The following PCDH15 variants were observed in gnomAD, a reference collection of about 807,000 sequenced individuals.
PCDH15 encodes protocadherin-15.
In PCDH15, 129 loss-of-function variants were observed where a neutral mutation model predicts 178.5. That is an observed-to-expected ratio of 0.72 (90% CI 0.63 to 0.84). The LOEUF is 0.84. Among genes scored for constraint, PCDH15 ranks in the 40% least tolerant of loss-of-function variants. The pLI is 0.00. For synonymous variants in PCDH15, 800 were observed against 732.0 expected (o/e 1.09, Z -1.50); for missense variants, 2,230 against 2,099.9 (o/e 1.06, Z -1.21).
chr10:53,807,805 C>G (rs943293500), intron 37 of PCDH15, among the ~76,000 whole-genome samples: 1 of 152,104 alleles, frequency 6.6e-6, no homozygotes, highest in Admixed American at 6.6e-5. Flanking sequence ...ATACACAAAA[C>G]TGAAAGCTAA....
chr10:55,494,167 C>A (rs947098457), intron 2 of PCDH15, among the ~76,000 whole-genome samples: 2 of 151,736 alleles, frequency 1.3e-5, no homozygotes, highest in African/African-American at 4.8e-5. Context: ...TCTTCATTTT[C>A]TTGTCAATCT....
At chr10:55,381,058 T>C (rs544111288) in intron 2 of PCDH15, among the ~76,000 whole-genome samples, 2 of 152,306 alleles carry the variant, frequency 1.3e-5, no homozygotes, top group East Asian at 3.9e-4. Flanking sequence ...GTTGAGAGGC[T>C]GAGCAATGAG....
At chr10:54,329,544 T>C in intron 7 of PCDH15, 52 bp downstream of exon 7, 1 of 1,380,178 alleles carries the variant, frequency 7.2e-7, no homozygotes, top group South Asian at 1.2e-5. Context: ...TTTGGATGAG[T>C]TTTTTACTTC....
chr10:54,784,312 TAAAAAG>T (rs894584613), intron 1 of PCDH15, among the ~76,000 whole-genome samples: 43 of 131,558 alleles, frequency 3.3e-4, no homozygotes, highest in Admixed American at 5.9e-4. Context: ...AAAAAATAAA[TAAAAAG>T]ATCTTAGAAT....
At chr10:54,020,437 GT>G in intron 19 of PCDH15, 21 bp from the exon 20 acceptor site, 1 of 1,606,314 alleles carries the variant, frequency 6.2e-7, no homozygotes, top group Non-Finnish European at 8.5e-7. Context: ...CAGAAGAATA[GT>G]TTTATTAGTG....
intron 27 of PCDH15, among the ~76,000 whole-genome samples, chr10:53,863,770 C>G (rs10825131): frequency 0.42 from 64,208 of 151,908 alleles, 17,240 homozygotes; most frequent in East Asian, 0.98. Flanking sequence ...CTGAGGCAAT[C>G]TCCTAGAGCT....
intron 2 of PCDH15, among the ~76,000 whole-genome samples, chr10:55,490,784 T>A (rs534837728): frequency 2.0e-5 from 3 of 151,774 alleles, no homozygotes; most frequent in African/African-American, 7.2e-5. Context: ...AACACAATGG[T>A]TCCAAGAAGG....
intron 1 of PCDH15, among the ~76,000 whole-genome samples, chr10:55,187,024 T>C (rs960453863): frequency 1.3e-5 from 2 of 151,954 alleles, no homozygotes; most frequent in African/African-American, 2.4e-5. Context: ...ATAAATGCAC[T>C]TATTTTTTCT....
intron 5 of PCDH15, 22 bp from the exon 6 acceptor site, chr10:54,346,506 A>T: frequency 6.2e-7 from 1 of 1,612,274 alleles, no homozygotes; most frequent in South Asian, 1.1e-5. Context: ...AAAGATTTTA[A>T]ATATCAATTT....
rs547305513 is a variant in PCDH15 at position 55,584,819 on chromosome 10, A to G, written c.-156+42806T>C. On this transcript the variant is annotated intron_variant, in intron 2 of 5. Transcript: ENST00000613346. ...AAGATCACAGTTGGATCGATTTTAA[A>G]CTTGGTAAAATGTTAGGCTATAAAT... Among the ~76,000 whole-genome samples the G allele has an allele frequency of 1.8e-4, 27 of 151,738 alleles. No homozygotes were observed. The South Asian group carries it at 5.6e-3, about 31-fold the overall frequency.
At chr10:53,837,005 A>C (rs933741845) in intron 29 of PCDH15, among the ~76,000 whole-genome samples, 1 of 152,140 alleles carries the variant, frequency 6.6e-6, no homozygotes, top group Admixed American at 6.6e-5. Context: ...CAGTGAGTTC[A>C]TCAATAGGCT....
Position 54,587,633 on chromosome 10 carries a change from T to C in PCDH15, c.92-59756A>G, listed in dbSNP as rs553575163. Among the ~76,000 whole-genome samples the C allele has an allele frequency of 2.0e-5, 3 of 152,248 alleles. No individual in the cohort carries two copies. In the South Asian group the frequency reaches 6.2e-4, roughly 32 times the overall value. ...GATGAAAGCTGATCCAAATTTAAGA[T>C]TATGACAATTTGCCAAGGCATAAAA... On this transcript the variant is annotated intron_variant, in intron 2 of 37. Transcript: ENST00000644397.
intron 13 of PCDH15, among the ~76,000 whole-genome samples, chr10:54,182,320 T>C (rs1249673223): frequency 6.6e-6 from 1 of 152,186 alleles, no homozygotes; most frequent in East Asian, 1.9e-4. Flanking sequence ...TGGTGATGAT[T>C]TATCCTTGGA....
chr10:53,818,895 A>T (rs1039325209), intron 33 of PCDH15, among the ~76,000 whole-genome samples: 8 of 152,044 alleles, frequency 5.3e-5, no homozygotes, highest in East Asian at 1.9e-4. Flanking sequence ...AAAAATTTTT[A>T]AAAAATGTTG....
At chr10:53,836,215 A>G (rs939343723) in intron 29 of PCDH15, among the ~76,000 whole-genome samples, 1 of 152,150 alleles carries the variant, frequency 6.6e-6, no homozygotes. Flanking sequence ...CTTGCACCCA[A>G]GACCCCCTGT....
chr10:54,315,114 T>C (rs1298274790), intron 8 of PCDH15, among the ~76,000 whole-genome samples: 2 of 152,120 alleles, frequency 1.3e-5, no homozygotes, highest in African/African-American at 4.8e-5. Context: ...AATTGCCACA[T>C]GGCTTTCCAC....
intron 2 of PCDH15, among the ~76,000 whole-genome samples, chr10:55,153,058 A>T (rs1838781366): frequency 6.6e-6 from 1 of 152,178 alleles, no homozygotes; most frequent in South Asian, 2.1e-4. Flanking sequence ...GTTAAATCCA[A>T]GATAACAAAT....
Position 53,849,071 on chromosome 10 carries a change from CATTT to C in PCDH15, c.3806+8100_3806+8103del, listed in dbSNP as rs1266132289. Among the ~76,000 whole-genome samples, 5 of 152,076 alleles carry C rather than the reference CATTT, an allele frequency of 3.3e-5. No individual in the cohort carries two copies. In the South Asian group the frequency reaches 1.0e-3, roughly 32 times the overall value. ...GCAAAATGAAAATGTCCTCAATGTT[CATTT>C]ATTTGTTTGTTTGTTTTGGCTTTCC... On this transcript the variant is annotated intron_variant, in intron 28 of 37. Coordinates refer to ENST00000644397, the MANE Select transcript of PCDH15 (RefSeq NM_001384140.1).
intron 2 of PCDH15, among the ~76,000 whole-genome samples, chr10:54,540,812 T>C (rs75016737): frequency 1.5e-3 from 232 of 152,150 alleles, no homozygotes; most frequent in Middle Eastern, 6.8e-3. Context: ...AATCTACCAT[T>C]ATCAAGTAGG....
Sources: gnomAD v4.1 joint callset for allele counts (sites outside exome capture counted in the v4.1 genomes callset) on GRCh38, gnomAD v4.1.1 for gene constraint, MANE v1.5 for transcripts, NCBI Gene and HGNC (gene_info 2026-07-23, HGNC 2026-07-21) for gene names.